Variants in SLF1 observed in about 807,000 individuals in gnomAD.
The protein encoded by SLF1 is SMC5-SMC6 complex localization factor protein 1.
Under a neutral mutation model 123.0 loss-of-function variants are expected in SLF1, and 105 were observed. The observed-to-expected ratio is 0.85, with a 90% CI of 0.73 to 1.00. The LOEUF (loss-of-function observed/expected upper bound fraction) is 1.00. SLF1 is among the 50% of genes least tolerant of loss of function. The pLI is 0.00. For synonymous variants in SLF1, 434 were observed against 406.6 expected (o/e 1.07, Z -0.81); for missense variants, 1,239 against 1,223.0 (o/e 1.01, Z -0.20).
At chr5:94,647,056 G>A (rs1220339364) in intron 5 of SLF1, among the ~76,000 whole-genome samples, 3 of 152,170 alleles carry the variant, frequency 2.0e-5, no homozygotes, top group African/African-American at 7.2e-5. Context: ...TCATGTATCA[G>A]AGCAGAAACT....
At chr5:94,678,657 T>C (rs1561467936) in intron 14 of SLF1, 151 bp from the exon 15 acceptor site, 1 of 613,608 alleles carries the variant, frequency 1.6e-6, no homozygotes, top group Non-Finnish European at 2.6e-6. Flanking sequence ...GAGAATTAGT[T>C]AGCTAGGGTT....
At position 94,688,591 on chromosome 5, in the gene SLF1, C is replaced by T. The variant is rs752697135; in HGVS notation, c.2207C>T (p.Pro736Leu). 11 of 1,613,902 alleles carry T rather than the reference C, an allele frequency of 6.8e-6. No homozygotes were observed. Among genetic ancestry groups the T allele is most frequent in the Non-Finnish European group, 9.3e-6 (11 of 1,179,974 alleles). The change falls in exon 17 of 21, where the codon CCT becomes CTT. Residue 736 changes from proline (P) to leucine (L), a missense_variant. Pro to Leu is a moderately conservative substitution (Grantham distance 98, BLOSUM62 -3). Transcript: ENST00000265140. ...IQVSKKIGQR[P>L]CFDSQRTLLM... ...GTGTCAAAGAAAATAGGACAGCGGC[C>T]TTGTTTTGACTCTCAGAGAACCTTA...
At chr5:94,647,392 A>T (rs1255295432) in intron 5 of SLF1, among the ~76,000 whole-genome samples, 1 of 152,200 alleles carries the variant, frequency 6.6e-6, no homozygotes. Context: ...TTGGCTGAAT[A>T]TTGGAATAAG....
chr5:94,619,035 C>T (rs1350074292), intron 1 of SLF1, among the ~76,000 whole-genome samples: 1 of 152,096 alleles, frequency 6.6e-6, no homozygotes, highest in Non-Finnish European at 1.5e-5. Flanking sequence ...TGCCACCGAG[C>T]GCCCCTCTGC....
intron 20 of SLF1, among the ~76,000 whole-genome samples, chr5:94,693,391 A>G (rs1753242864): frequency 1.3e-5 from 2 of 152,022 alleles, no homozygotes; most frequent in Non-Finnish European, 1.5e-5. Context: ...ATTCAGGCCA[A>G]TATTTGTTAG....
intron 5 of SLF1, among the ~76,000 whole-genome samples, chr5:94,647,405 G>A (rs6556849): frequency 6.6e-6 from 1 of 151,988 alleles, no homozygotes; most frequent in South Asian, 2.1e-4. Context: ...GGAATAAGAC[G>A]TGGAGACCAG....
intron 10 of SLF1, among the ~76,000 whole-genome samples, chr5:94,662,569 A>C (rs915733208): frequency 6.6e-6 from 1 of 152,234 alleles, no homozygotes; most frequent in Non-Finnish European, 1.5e-5. Flanking sequence ...AATGATCACA[A>C]ATGTTAAAAA....
chr5:94,628,856 A>G lies in SLF1; in HGVS notation c.46A>G (p.Lys16Glu), dbSNP rs1307938930. The change falls in exon 2 of 21, where the codon AAG (lysine) becomes GAG (glutamate). Residue 16 changes from lysine to glutamate, a missense_variant. Transcript: ENST00000265140. Reference sequence around the variant, plus strand: ...GCATATCATCCAGATGACAGGATTTAAGATGGAAGAAAAAGAAGCGCTAGT... The same window carrying G: ...GCATATCATCCAGATGACAGGATTTGAGATGGAAGAAAAAGAAGCGCTAGT... ...PKHIIQMTGF[K>E]MEEKEALVKL... The G allele has an allele frequency of 5.2e-6, 8 of 1,550,278 alleles. No homozygotes were observed. The highest frequency in any genetic ancestry group is 1.4e-5 in the African/African-American group (1 of 72,968).
intron 4 of SLF1, 49 bp downstream of exon 4, chr5:94,630,792 T>G (rs990599976): frequency 2.0e-6 from 3 of 1,510,372 alleles, no homozygotes; most frequent in Admixed American, 2.2e-5. Flanking sequence ...GAAAATAATT[T>G]TGATTTGCAT....
At chr5:94,633,736 AAT>A (rs1370167315) in intron 4 of SLF1, among the ~76,000 whole-genome samples, 1 of 152,242 alleles carries the variant, frequency 6.6e-6, no homozygotes, top group African/African-American at 2.4e-5. Flanking sequence ...TATAAAACTT[AAT>A]TGCATTCTCA....
intron 5 of SLF1, 77 bp downstream of exon 5, chr5:94,643,512 T>C: frequency 9.5e-7 from 1 of 1,056,392 alleles, no homozygotes; most frequent in Non-Finnish European, 1.3e-6. Context: ...GTAAAATATA[T>C]ATTAAAGTTG....
At chr5:94,625,302 A>G (rs1792138655) in intron 1 of SLF1, among the ~76,000 whole-genome samples, 1 of 152,212 alleles carries the variant, frequency 6.6e-6, no homozygotes, top group African/African-American at 2.4e-5. Context: ...GAATACCAAG[A>G]TGATATTCAC....
chr5:94,649,457 G>A lies in SLF1; in HGVS notation c.598G>A (p.Glu200Lys). ...AACCATTTTTACATACATACAGAAA[G>A]AAATTCAGAATGATGAAGATTCCCA... Reference protein sequence around the residue: ...QYLGDFLLEKEIQNDEDSQTN... With the variant: ...QYLGDFLLEKKIQNDEDSQTN... The change falls in exon 6 of 21, where the codon GAA (glutamate) becomes AAA (lysine). Residue 200 changes from glutamate (E) to lysine (K), a missense_variant. Physicochemically the swap from Glu to Lys is moderately conservative, Grantham distance 56. Transcript: ENST00000265140. 6.7e-7 allele frequency: 1 copy of A among 1,492,540 alleles called. No homozygotes were observed. Among genetic ancestry groups the A allele is most frequent in the Non-Finnish European group, 9.0e-7 (1 of 1,107,792 alleles). 92.5% of individuals were successfully genotyped at this position (1,492,540 alleles called of 1,614,324 possible).
Position 94,696,022 on chromosome 5 carries a change from A to AT in SLF1, c.*711dup, listed in dbSNP as rs1475346661. 6.6e-6 allele frequency: 1 copy of AT among 151,824 alleles called. No individual in the cohort carries two copies. The highest frequency in any genetic ancestry group is 1.5e-5 in the Non-Finnish European group (1 of 67,842). 9.4% of individuals were successfully genotyped at this position (151,824 alleles called of 1,614,324 possible). On this transcript the variant is annotated 3_prime_UTR_variant, in exon 21 of 21. Coordinates refer to ENST00000265140, the MANE Select transcript of SLF1 (RefSeq NM_032290.4). Reference sequence around the variant, plus strand: ...TCTGTACCTGAAAACATTCTGCTGCATAGGTTTATGAGTTTAATATTAAGA... The same window carrying AT: ...TCTGTACCTGAAAACATTCTGCTGCATTAGGTTTATGAGTTTAATATTAAGA...
At chr5:94,674,261 A>G (rs1750799550) in intron 14 of SLF1, among the ~76,000 whole-genome samples, 1 of 152,198 alleles carries the variant, frequency 6.6e-6, no homozygotes, top group Non-Finnish European at 1.5e-5. Context: ...TCAAGGGACT[A>G]TCACAGATAA....
At chr5:94,634,098 T>C (rs1358260700) in intron 4 of SLF1, among the ~76,000 whole-genome samples, 2 of 152,218 alleles carry the variant, frequency 1.3e-5, no homozygotes, top group African/African-American at 4.8e-5. Flanking sequence ...ATTATTTAAT[T>C]CCCAATTACT....
At chr5:94,693,342 C>T (rs1350651614) in intron 20 of SLF1, among the ~76,000 whole-genome samples, 1 of 151,950 alleles carries the variant, frequency 6.6e-6, no homozygotes, top group Non-Finnish European at 1.5e-5. Flanking sequence ...AGTTCTACCT[C>T]CTTAATGTTT....
intron 1 of SLF1, among the ~76,000 whole-genome samples, chr5:94,621,914 G>A (rs1317636161): frequency 6.6e-6 from 1 of 151,124 alleles, no homozygotes; most frequent in Non-Finnish European, 1.5e-5. Context: ...ACATACACAC[G>A]TGCGTGTGCA....
At chr5:94,651,609 C>T (rs143521444) in intron 6 of SLF1, 93 bp from the exon 7 acceptor site, 1 of 1,030,508 alleles carries the variant, frequency 9.7e-7, no homozygotes. Flanking sequence ...AATCTATGTT[C>T]CTGGATGGGT....
Sources: allele counts gnomAD v4.1 joint callset (sites outside exome capture counted in the v4.1 genomes callset), GRCh38; gene constraint gnomAD v4.1.1; transcripts MANE v1.5; gene names NCBI Gene and HGNC (gene_info 2026-07-23, HGNC 2026-07-21).